Variants in KCNA2 observed in about 807,000 individuals in gnomAD.
The protein encoded by KCNA2 is potassium voltage-gated channel subfamily A member 2.
Under a neutral mutation model 33.4 loss-of-function variants are expected in KCNA2, and 11 were observed. The ratio of observed to expected loss-of-function variants is 0.33; its 90% CI spans 0.21 to 0.55. The LOEUF (loss-of-function observed/expected upper bound fraction) is 0.55, where lower values mean the gene tolerates loss of function less well. Among genes scored for constraint, KCNA2 ranks in the 20% least tolerant of loss-of-function variants. The pLI, the probability that KCNA2 is intolerant of heterozygous loss-of-function variation, is 0.93. For synonymous variants in KCNA2, 222 were observed against 231.3 expected (o/e 0.96, Z 0.37); for missense variants, 291 against 621.6 (o/e 0.47, Z 5.66).
chr1:110,607,039 CTCT>C (rs1217937535), upstream of KCNA2, among the ~76,000 whole-genome samples: 3 of 151,808 alleles, frequency 2.0e-5, no homozygotes, highest in Non-Finnish European at 4.4e-5. Flanking sequence ...ATTCTGTGCA[CTCT>C]TCTTGAGCAG....
rs1198686833 is a variant in KCNA2, at chr1:110,602,064, T to C, written c.*1219A>G. The C allele has an allele frequency of 6.4e-7, 1 of 1,550,394 alleles. No homozygotes were observed. Among genetic ancestry groups the C allele is most frequent in the Non-Finnish European group, 8.7e-7 (1 of 1,146,980 alleles). ...ATCAGGACCAGATGCCCTGGTCCAC[T>C]GTACAGTCATGCCCGCGACTAGGTT... On this transcript the variant is annotated 3_prime_UTR_variant, in exon 3 of 3. Coordinates refer to ENST00000316361, the MANE Select transcript of KCNA2 (RefSeq NM_004974.4).
chr1:110,597,499 C>A lies in KCNA2; in HGVS notation c.*5784G>T. 1.0e-6 allele frequency: 1 copy of A among 985,372 alleles called. No homozygotes were observed. The highest frequency in any genetic ancestry group is 1.2e-6 in the Non-Finnish European group (1 of 829,948). The allele number at this position is 985,372 out of a possible 1,614,324, so 61.0% of individuals were successfully genotyped here. ...GAGACAGAGGGAGAGGGGACAGAGA[C>A]ACACATGGAGACAGAGAGGTGCACA... is the stretch of plus-strand genomic sequence containing the variant. On this transcript the variant is annotated 3_prime_UTR_variant, in exon 3 of 3. Transcript: ENST00000316361.
rs568685218 is a variant in KCNA2 at position 110,606,347 on chromosome 1, G to A, written c.-615C>T. The stretch of plus-strand genomic sequence containing the variant: ...AAAATCCCTCACATCTCCTCGGCAG[G>A]GAGCACAGAATAAACGCTCCGCCTG... On this transcript the variant is annotated 5_prime_UTR_variant, in exon 1 of 3. Coordinates refer to ENST00000316361, the MANE Select transcript of KCNA2 (RefSeq NM_004974.4). 1 of 152,364 alleles carries A rather than the reference G, an allele frequency of 6.6e-6. No homozygotes were observed. Among genetic ancestry groups the A allele is most frequent in the East Asian group, 1.9e-4 (1 of 5,160 alleles). The allele number at this position is 152,364 out of a possible 1,614,324, so 9.4% of individuals were successfully genotyped here.
rs546281529 is a variant in KCNA2 at position 110,598,543 on chromosome 1, A to G, written c.*4740T>C. On this transcript the variant is annotated 3_prime_UTR_variant, in exon 3 of 3. Transcript: ENST00000316361. ...AGTGAGAGATCCAGGAAGAATAGGT[A>G]GAACAAGCTAGTCCTGGGCCCTCCC... is the stretch of plus-strand genomic sequence containing the variant. The G allele has an allele frequency of 1.0e-6, 1 of 985,384 alleles. No homozygotes were observed. The highest frequency in any genetic ancestry group is 1.1e-4 in the East Asian group (1 of 8,808). 61.0% of individuals were successfully genotyped at this position (985,384 alleles called of 1,614,324 possible).
intron 1 of KCNA2, among the ~76,000 whole-genome samples, chr1:110,616,896 T>C (rs1421318265): frequency 6.6e-6 from 1 of 152,218 alleles, no homozygotes; most frequent in Non-Finnish European, 1.5e-5. Context: ...TGTCAACAAT[T>C]GACTCTAACC....
chr1:110,615,420 T>C lies in KCNA2; in HGVS notation c.-495-9698A>G, dbSNP rs1213509846. Among the ~76,000 whole-genome samples the C allele has an allele frequency of 3.9e-5, 6 of 152,232 alleles. No individual in the cohort carries two copies. In the South Asian group the frequency reaches 6.2e-4, roughly 16 times the overall value. On this transcript the variant is annotated intron_variant, in intron 1 of 4. Transcript: ENST00000369770. Reference sequence around the variant, plus strand: ...TCAGCCTCTCTGGCTCAAGTATTTTTATTTTTATTTCAAACATACATATTT... The same window carrying C: ...TCAGCCTCTCTGGCTCAAGTATTTTCATTTTTATTTCAAACATACATATTT...
chr1:110,614,130 G>C (rs945507610), intron 1 of KCNA2, among the ~76,000 whole-genome samples: 5 of 152,162 alleles, frequency 3.3e-5, no homozygotes, highest in Non-Finnish European at 5.9e-5. Context: ...GCAGAGATCA[G>C]CACTTTACAA....
chr1:110,594,634 G>A lies in KCNA2; in HGVS notation c.*8649C>T, dbSNP rs188531345. 1 of 985,286 alleles carries A rather than the reference G, an allele frequency of 1.0e-6. No individual in the cohort carries two copies. The highest frequency in any genetic ancestry group is 1.2e-6 in the Non-Finnish European group (1 of 829,906). The allele number at this position is 985,286 out of a possible 1,614,324, so 61.0% of individuals were successfully genotyped here. A position where few individuals can be genotyped will look rare whatever the true frequency, so the allele number is the denominator to read the frequency against. Reference sequence around the variant, plus strand: ...GATCATGGGACTTTCCAGCTTCCTGGGGCCCTTCAAATGAAGGAACCATCC... The same window carrying A: ...GATCATGGGACTTTCCAGCTTCCTGAGGCCCTTCAAATGAAGGAACCATCC... On this transcript the variant is annotated 3_prime_UTR_variant, in exon 3 of 3. Coordinates refer to ENST00000316361, the MANE Select transcript of KCNA2 (RefSeq NM_004974.4).
chr1:110,626,738 C>G (rs993597652), intron 1 of KCNA2, among the ~76,000 whole-genome samples: 11 of 152,238 alleles, frequency 7.2e-5, no homozygotes, highest in African/African-American at 2.6e-4. Context: ...AATTTCCCAG[C>G]TTTATCTCAG....
chr1:110,594,094 T>A lies in KCNA2; in HGVS notation c.*9189A>T, dbSNP rs1373345114. 1 of 1,413,718 alleles carries A rather than the reference T, an allele frequency of 7.1e-7. No homozygotes were observed. Among genetic ancestry groups the A allele is most frequent in the Non-Finnish European group, 9.2e-7 (1 of 1,089,682 alleles). 87.6% of individuals were successfully genotyped at this position (1,413,718 alleles called of 1,614,324 possible). On this transcript the variant is annotated 3_prime_UTR_variant, in exon 3 of 3. Transcript: ENST00000316361. ...TCCTTACGAAGCTTTACCATCAGCC[T>A]TGGAGTTCCTTCTGCTATTGATCCC... is the stretch of plus-strand genomic sequence containing the variant.
chr1:110,613,090 G>A (rs1649932137), intron 1 of KCNA2, among the ~76,000 whole-genome samples: 1 of 152,202 alleles, frequency 6.6e-6, no homozygotes, highest in Admixed American at 6.5e-5. Flanking sequence ...GTCAAGAAAC[G>A]TGAGCTTCCA....
In KCNA2 at chr1:110,597,108, G is replaced by C. The variant is rs1037441504; in HGVS notation, c.*6175C>G. On this transcript the variant is annotated 3_prime_UTR_variant, in exon 3 of 3. Transcript: ENST00000316361. ...ACCTGCTTCCTTCTGCAGCTCTCAC[G>C]GAGTCCCTTTGGTTGAGCAAGTCAG... The C allele has an allele frequency of 1.0e-6, 1 of 985,314 alleles. No homozygotes were observed. 61.0% of individuals were successfully genotyped at this position (985,314 alleles called of 1,614,324 possible).
intron 1 of KCNA2, among the ~76,000 whole-genome samples, chr1:110,625,296 C>A (rs547209884): frequency 4.6e-5 from 7 of 152,154 alleles, no homozygotes; most frequent in South Asian, 2.1e-4. Flanking sequence ...AATATACAGA[C>A]CAATGGAATT....
At chr1:110,628,901 A>C (rs576740204) in intron 1 of KCNA2, among the ~76,000 whole-genome samples, 1 of 152,234 alleles carries the variant, frequency 6.6e-6, no homozygotes, top group Non-Finnish European at 1.5e-5. Flanking sequence ...ACACAGCTTC[A>C]TAATCCTGTA....
chr1:110,609,046 C>T (rs1177914529), upstream of KCNA2, among the ~76,000 whole-genome samples: 1 of 152,114 alleles, frequency 6.6e-6, no homozygotes, highest in Non-Finnish European at 1.5e-5. Context: ...CCTTTACTTT[C>T]CTTGAGATCT....
chr1:110,603,176 C>T lies in KCNA2; in HGVS notation c.*107G>A, dbSNP rs1368571147. On this transcript the variant is annotated 3_prime_UTR_variant, in exon 3 of 3. Transcript: ENST00000316361. This position sits in a 1 kb window ranked among gnomAD's most constrained non-coding sequence, Gnocchi z 5.7. The stretch of plus-strand genomic sequence containing the variant: ...AAGTCACTTGCACAACTATTGCTTT[C>T]CATGCAGAACCAGATACACACTGTA... 6 of 1,486,066 alleles carry T rather than the reference C, an allele frequency of 4.0e-6. No individual in the cohort carries two copies. In the East Asian group the frequency reaches 1.4e-4, roughly 35 times the overall value. The allele number at this position is 1,486,066 out of a possible 1,614,324, so 92.1% of individuals were successfully genotyped here. A position where few individuals can be genotyped will look rare whatever the true frequency, so the allele number is the denominator to read the frequency against.
intron 1 of KCNA2, among the ~76,000 whole-genome samples, chr1:110,619,727 G>C (rs1278259557): frequency 6.6e-6 from 1 of 152,232 alleles, no homozygotes; most frequent in Non-Finnish European, 1.5e-5. Flanking sequence ...GATTTTGAGG[G>C]TTTGATATTT....
chr1:110,607,133 C>G (rs1649678512), upstream of KCNA2: 1 of 152,260 alleles, frequency 6.6e-6, no homozygotes, highest in Admixed American at 6.5e-5. Context: ...CCGCCGCGGA[C>G]TCAGCCCAAG....
intron 1 of KCNA2, among the ~76,000 whole-genome samples, chr1:110,614,894 G>A (rs1312207621): frequency 1.3e-5 from 2 of 152,200 alleles, no homozygotes; most frequent in Non-Finnish European, 2.9e-5. Flanking sequence ...CACATCAACC[G>A]TTACCCCAAC....
Sources: gnomAD v4.1 joint callset for allele counts (sites outside exome capture counted in the v4.1 genomes callset) on GRCh38, gnomAD v4.1.1 for gene constraint, Gnocchi (gnomAD v3.1) non-coding constraint, MANE v1.5 for transcripts, NCBI Gene and HGNC (gene_info 2026-07-23, HGNC 2026-07-21) for gene names.